ABCA5: variants seen among roughly 807,000 people sequenced by gnomAD.
ABCA5 encodes cholesterol transporter ABCA5.
ABCA5 carries 163 observed loss-of-function variants against 206.0 expected under a neutral mutation model. The observed-to-expected ratio is 0.79, with a 90% CI of 0.70 to 0.90. The LOEUF is 0.90. ABCA5 is among the 40% of genes least tolerant of loss of function. ABCA5 has a pLI of 0.00. For synonymous variants in ABCA5, 609 were observed against 613.8 expected, an observed-to-expected ratio of 0.99 and a Z score of 0.11; for missense variants, 1,859 against 1,912.9, an observed-to-expected ratio of 0.97 and a Z score of 0.53.
intron 1 of ABCA5, among the ~76,000 whole-genome samples, chr17:69,318,095 T>C (rs1052157086): frequency 5.5e-5 from 8 of 144,480 alleles, no homozygotes; most frequent in African/African-American, 1.5e-4. Flanking sequence ...TGTCTACACC[T>C]AAATAAAGAA....
chr17:69,262,993 T>C (rs1011942765), intron 24 of ABCA5, among the ~76,000 whole-genome samples: 12 of 152,220 alleles, frequency 7.9e-5, no homozygotes, highest in Admixed American at 5.2e-4. Context: ...ATTAGTGATG[T>C]AGAGCATTTT....
chr17:69,250,838 G>T, intron 35 of ABCA5: 1 of 296,946 alleles, frequency 3.4e-6, no homozygotes, highest in Non-Finnish European at 6.2e-6. Flanking sequence ...CTGAGACACC[G>T]ACATTGGTAC....
In ABCA5 at chr17:69,274,035, A is replaced by C. The variant is rs368799384; in HGVS notation, c.2688T>G (p.Val896=). 1 of 1,612,446 alleles carries C rather than the reference A, an allele frequency of 6.2e-7. No homozygotes were observed. Among genetic ancestry groups the C allele is most frequent in the Non-Finnish European group, 8.5e-7 (1 of 1,179,478 alleles). The change falls in exon 20 of 39, where the codon GTT becomes GTG. Residue 896 remains valine (V), a synonymous_variant. Coordinates refer to ENST00000392676, the MANE Select transcript of ABCA5 (RefSeq NM_172232.4). ...FKNAVVPIKL[V]PDLYFLKPGD... ...CAGGTTTTAGAAAATATAAGTCTGGAACAAGTTTGATGGGAACCACAGCAT... is the reference window on the plus strand; with the variant it reads ...CAGGTTTTAGAAAATATAAGTCTGGCACAAGTTTGATGGGAACCACAGCAT...
At chr17:69,261,511 C>T in intron 25 of ABCA5, 124 bp downstream of exon 25, 4 of 617,550 alleles carry the variant, frequency 6.5e-6, no homozygotes, top group Non-Finnish European at 1.1e-5. Flanking sequence ...CAAAAAGAAG[C>T]TGCCAATTAC....
chr17:69,261,672 A>G lies in ABCA5; in HGVS notation c.3392T>C (p.Leu1131Ser). The change falls in exon 25 of 39, where the codon TTA (leucine) becomes TCA (serine). Residue 1131 changes from leucine to serine, a missense_variant. Coordinates refer to ENST00000392676, the MANE Select transcript of ABCA5 (RefSeq NM_172232.4). ...YIASFTFKKI[L>S]NTKEFWSFIY... ...AAATGACCAAAATTCTTTGGTATTT[A>G]AAATTTTCTTAAAGGTGAAAGAAGC... 1 of 1,503,792 alleles carries G rather than the reference A, an allele frequency of 6.6e-7. No homozygotes were observed. Among genetic ancestry groups the G allele is most frequent in the Non-Finnish European group, 9.0e-7 (1 of 1,114,674 alleles). 93.2% of individuals were successfully genotyped at this position (1,503,792 alleles called of 1,614,324 possible). A position where few individuals can be genotyped will look rare whatever the true frequency, so the allele number is the denominator to read the frequency against.
intron 1 of ABCA5, among the ~76,000 whole-genome samples, chr17:69,324,470 A>G (rs1409633225): frequency 6.6e-6 from 1 of 152,248 alleles, no homozygotes; most frequent in Non-Finnish European, 1.5e-5. Flanking sequence ...GGAATGGATT[A>G]TGAAGTTTCT....
chr17:69,298,257 A>T (rs2075608112), intron 9 of ABCA5, among the ~76,000 whole-genome samples: 1 of 130,906 alleles, frequency 7.6e-6, no homozygotes, highest in Admixed American at 7.5e-5. Flanking sequence ...GGAAGGAAGG[A>T]AGGAAGGAAG....
chr17:69,287,908 AT>A (rs2075477661), intron 14 of ABCA5, among the ~76,000 whole-genome samples, 157 bp from the exon 15 acceptor site: 1 of 152,210 alleles, frequency 6.6e-6, no homozygotes, highest in African/African-American at 2.4e-5. Context: ...GTTCACATAA[AT>A]TTTTAAAATT....
intron 24 of ABCA5, among the ~76,000 whole-genome samples, chr17:69,262,971 AT>A (rs2075165686): frequency 6.6e-6 from 1 of 152,106 alleles, no homozygotes; most frequent in Admixed American, 6.5e-5. Flanking sequence ...TTTGATTTAC[AT>A]TTCTCTGATG....
In ABCA5 at chr17:69,293,882, GTGTT is replaced by G. The variant is rs764298906; in HGVS notation, c.1495+769_1495+772del. ...TGTGTGTGTGTGTGTGCGTGTGTGT[GTGTT>G]TGTGTGTGTGTGTATTCTATTGGTT... On this transcript the variant is annotated intron_variant, in intron 11 of 38. Transcript: ENST00000392676. Among the ~76,000 whole-genome samples, 180 of 71,896 alleles carry G rather than the reference GTGTT, an allele frequency of 2.5e-3. 1 individual carries two copies. Among genetic ancestry groups the G allele is most frequent in the South Asian group, 6.7e-3 (12 of 1,804 alleles). The allele number at this position is 71,896 out of a possible 152,430, so 47.2% of individuals were successfully genotyped here. A position where few individuals can be genotyped will look rare whatever the true frequency, so the allele number is the denominator to read the frequency against.
intron 24 of ABCA5, among the ~76,000 whole-genome samples, chr17:69,264,176 A>C (rs2075182340): frequency 6.6e-6 from 1 of 152,002 alleles, no homozygotes; most frequent in South Asian, 2.1e-4. Context: ...ATGAGCATGA[A>C]ATTTTTTTCC....
chr17:69,267,215 A>G (rs1266474230), intron 23 of ABCA5, among the ~76,000 whole-genome samples: 2 of 152,118 alleles, frequency 1.3e-5, no homozygotes, highest in Non-Finnish European at 2.9e-5. Flanking sequence ...TAATGAGCTC[A>G]TTATTCATCA....
intron 3 of ABCA5, among the ~76,000 whole-genome samples, chr17:69,309,660 T>C (rs965642119): frequency 2.0e-5 from 3 of 151,970 alleles, no homozygotes; most frequent in Non-Finnish European, 4.4e-5. Context: ...CTGGGCAACA[T>C]GGTGAGGTTC....
chr17:69,309,499 T>A (rs2075750250), intron 3 of ABCA5, 76 bp from the exon 4 acceptor site: 1 of 1,060,642 alleles, frequency 9.4e-7, no homozygotes, highest in African/African-American at 1.6e-5. Flanking sequence ...TTACAATTAT[T>A]TTGATGAATG....
At chr17:69,264,122 C>T (rs1312731355) in intron 24 of ABCA5, among the ~76,000 whole-genome samples, 1 of 152,132 alleles carries the variant, frequency 6.6e-6, no homozygotes, top group East Asian at 1.9e-4. Context: ...CTGTAGATTG[C>T]TTTGGGCAGT....
intron 7 of ABCA5, among the ~76,000 whole-genome samples, chr17:69,303,786 ATATAT>A (rs1169591055): frequency 0.017 from 78 of 4,626 alleles, 9 homozygotes; most frequent in South Asian, 0.2. Flanking sequence ...AAAAAAAAAA[ATATAT>A]ATATATATAT....
intron 3 of ABCA5, among the ~76,000 whole-genome samples, chr17:69,312,695 C>T (rs554395648): frequency 6.6e-6 from 1 of 152,112 alleles, no homozygotes; most frequent in East Asian, 1.9e-4. Context: ...CGGGATCCCC[C>T]CACCTCAACT....
intron 17 of ABCA5, among the ~76,000 whole-genome samples, chr17:69,284,750 C>T (rs1465127119): frequency 6.6e-6 from 1 of 152,116 alleles, no homozygotes; most frequent in Non-Finnish European, 1.5e-5. Context: ...GTTGTGATAG[C>T]ACATATTATG....
Position 69,285,986 on chromosome 17 carries a change from T to C in ABCA5, c.2184A>G (p.Lys728=). ...CATESLSSLV[K]QHIPGATLLQ... ...ATAAAGTAGCTCCAGGTATATGTTG[T>C]TTAACCAGTGAAGAAAGAGATTCTG... The change falls in exon 17 of 39, where the codon AAA becomes AAG. Residue 728 remains lysine, a synonymous_variant. Coordinates refer to ENST00000392676, the MANE Select transcript of ABCA5 (RefSeq NM_172232.4). 1 of 1,613,170 alleles carries C rather than the reference T, an allele frequency of 6.2e-7. No individual in the cohort carries two copies. The highest frequency in any genetic ancestry group is 8.5e-7 in the Non-Finnish European group (1 of 1,179,494).
Sources: gnomAD v4.1 joint callset for allele counts (sites outside exome capture counted in the v4.1 genomes callset) on GRCh38, gnomAD v4.1.1 for gene constraint, MANE v1.5 for transcripts, NCBI Gene and HGNC (gene_info 2026-07-23, HGNC 2026-07-21) for gene names.